The following RALGAPA2 variants were observed in gnomAD, a reference collection of about 807,000 sequenced individuals.
RALGAPA2 encodes ral GTPase-activating protein subunit alpha-2.
RALGAPA2 carries 139 observed loss-of-function variants against 230.4 expected under a neutral mutation model. That is an observed-to-expected ratio of 0.60 (90% confidence interval 0.53 to 0.69). The LOEUF is 0.69. Ranked by LOEUF, RALGAPA2 falls within the 30% of genes least tolerant of loss-of-function variation. The pLI is 0.00. For missense variants in RALGAPA2, 2,163 were observed against 2,276.0 expected, an observed-to-expected ratio of 0.95 and a Z score of 1.01; for synonymous variants, 847 against 837.8, an observed-to-expected ratio of 1.01 and a Z score of -0.19.
intron 3 of RALGAPA2, among the ~76,000 whole-genome samples, chr20:20,656,230 A>C (rs1001042636): frequency 6.6e-6 from 1 of 152,270 alleles, no homozygotes; most frequent in Admixed American, 6.5e-5. Flanking sequence ...CCAGAGGCTA[A>C]TGTGCTCGAA....
chr20:20,543,440 T>C (rs1308823308), intron 24 of RALGAPA2, among the ~76,000 whole-genome samples: 5 of 152,188 alleles, frequency 3.3e-5, no homozygotes, highest in African/African-American at 9.7e-5. Context: ...CGTGTGTTTA[T>C]AGCGGCACTA....
At chr20:20,612,300 G>A (rs1475663889) in intron 13 of RALGAPA2, among the ~76,000 whole-genome samples, 11 of 152,210 alleles carry the variant, frequency 7.2e-5, no homozygotes, top group East Asian at 5.8e-4. Flanking sequence ...TTTGTTCCTC[G>A]AGGGAAATCA....
At chr20:20,674,638 T>C (rs2068253473) in intron 3 of RALGAPA2, among the ~76,000 whole-genome samples, 2 of 152,328 alleles carry the variant, frequency 1.3e-5, no homozygotes, top group South Asian at 2.1e-4. Context: ...AAGTCACATA[T>C]ATTTACTTAA....
intron 1 of RALGAPA2, among the ~76,000 whole-genome samples, chr20:20,694,335 A>G (rs966599156): frequency 6.6e-6 from 1 of 152,206 alleles, no homozygotes; most frequent in Non-Finnish European, 1.5e-5. Flanking sequence ...TTGCAGGTGG[A>G]ATGACCTTCC....
intron 31 of RALGAPA2, among the ~76,000 whole-genome samples, chr20:20,517,574 C>T (rs1569458137): frequency 6.6e-6 from 1 of 152,044 alleles, no homozygotes; most frequent in Non-Finnish European, 1.5e-5. Flanking sequence ...GTGCCTAACA[C>T]GGGGAAATGA....
At chr20:20,590,441 C>G (rs1293131945) in intron 17 of RALGAPA2, among the ~76,000 whole-genome samples, 1 of 152,176 alleles carries the variant, frequency 6.6e-6, no homozygotes, top group African/African-American at 2.4e-5. Context: ...TCTGATGAGA[C>G]TAGCATGACT....
chr20:20,489,061 G>A (rs573900133), intron 36 of RALGAPA2, among the ~76,000 whole-genome samples: 5 of 152,316 alleles, frequency 3.3e-5, no homozygotes, highest in African/African-American at 1.2e-4. Context: ...GTGGCCTTGG[G>A]ATCCTGAGTA....
intron 36 of RALGAPA2, among the ~76,000 whole-genome samples, chr20:20,473,447 T>TC (rs1308600094): frequency 6.6e-6 from 1 of 152,106 alleles, no homozygotes; most frequent in African/African-American, 2.4e-5. Flanking sequence ...CTCGACCTTT[T>TC]CCCCCTCTGC....
chr20:20,477,048 T>C (rs1464071078), intron 36 of RALGAPA2, among the ~76,000 whole-genome samples: 4 of 152,200 alleles, frequency 2.6e-5, no homozygotes, highest in African/African-American at 7.2e-5. Context: ...GTCAGAATAG[T>C]GGCCACTTCT....
intron 24 of RALGAPA2, among the ~76,000 whole-genome samples, chr20:20,538,650 C>G (rs527760594): frequency 1.3e-5 from 2 of 152,280 alleles, no homozygotes; most frequent in South Asian, 4.2e-4. Context: ...CCCAAAGTAT[C>G]TGGGGAGATT....
intron 37 of RALGAPA2, among the ~76,000 whole-genome samples, chr20:20,431,616 A>G (rs904303104): frequency 1.3e-5 from 2 of 152,250 alleles, no homozygotes; most frequent in Non-Finnish European, 2.9e-5. Context: ...GAGGATGGCC[A>G]TATGCAAAAA....
intron 36 of RALGAPA2, among the ~76,000 whole-genome samples, chr20:20,480,112 T>TG (rs1204102070): frequency 6.6e-6 from 1 of 152,252 alleles, no homozygotes; most frequent in Non-Finnish European, 1.5e-5. Flanking sequence ...GATGTGTTCT[T>TG]GGACTAGAAG....
chr20:20,490,133 T>C (rs2062013543), intron 36 of RALGAPA2, among the ~76,000 whole-genome samples: 1 of 152,214 alleles, frequency 6.6e-6, no homozygotes, highest in Admixed American at 6.5e-5. Flanking sequence ...CAAGGCTTAT[T>C]GTATAAATAA....
chr20:20,689,852 T>C (rs2068838469), intron 1 of RALGAPA2, among the ~76,000 whole-genome samples: 1 of 152,116 alleles, frequency 6.6e-6, no homozygotes, highest in South Asian at 2.1e-4. Context: ...GGGCAGAGGT[T>C]CCCTCAGTTC....
At chr20:20,547,686 C>T (rs1271082741) in intron 23 of RALGAPA2, among the ~76,000 whole-genome samples, 1 of 152,166 alleles carries the variant, frequency 6.6e-6, no homozygotes, top group African/African-American at 2.4e-5. Context: ...AAGAAAACCA[C>T]AAACCACAAA....
chr20:20,687,739 G>A (rs1299426023), intron 1 of RALGAPA2, among the ~76,000 whole-genome samples: 1 of 152,190 alleles, frequency 6.6e-6, no homozygotes, highest in African/African-American at 2.4e-5. Flanking sequence ...AAATGGTGGT[G>A]CAGAAGAAGA....
intron 6 of RALGAPA2, 41 bp downstream of exon 6, chr20:20,640,660 A>T (rs770849090): frequency 6.5e-7 from 1 of 1,542,616 alleles, no homozygotes; most frequent in South Asian, 1.2e-5. Context: ...ATGTAAGTTC[A>T]AGAGTAATTT....
intron 37 of RALGAPA2, among the ~76,000 whole-genome samples, chr20:20,427,938 T>C (rs2060421270): frequency 6.6e-6 from 1 of 152,142 alleles, no homozygotes; most frequent in African/African-American, 2.4e-5. Context: ...AGTACCTAAA[T>C]CTTTTCAACT....
At chr20:20,433,599 T>C (rs777953901) in intron 37 of RALGAPA2, among the ~76,000 whole-genome samples, 22 of 152,186 alleles carry the variant, frequency 1.4e-4, no homozygotes, top group Non-Finnish European at 2.9e-4. Context: ...GAGGCTGAAA[T>C]GTTTCTCAGA....
Sources: gnomAD v4.1 joint callset for allele counts (sites outside exome capture counted in the v4.1 genomes callset) on GRCh38, gnomAD v4.1.1 for gene constraint, MANE v1.5 for transcripts, NCBI Gene and HGNC (gene_info 2026-07-23, HGNC 2026-07-21) for gene names.